The following RBFOX1 variants were observed in gnomAD, a reference collection of about 807,000 sequenced individuals.
The protein encoded by RBFOX1 is RNA binding protein fox-1 homolog 1.
In RBFOX1, 8 loss-of-function variants were observed where a neutral mutation model predicts 57.7. That is an observed-to-expected ratio of 0.14 (90% CI 0.08 to 0.25). RBFOX1 has a LOEUF of 0.25. Ranked by LOEUF, RBFOX1 falls within the 10% of genes least tolerant of loss-of-function variation. RBFOX1 has a pLI of 1.00. For synonymous variants in RBFOX1, 326 were observed against 222.4 expected (o/e 1.47, Z -4.15); for missense variants, 611 against 548.5 (o/e 1.11, Z -1.14).
intron 3 of RBFOX1, among the ~76,000 whole-genome samples, chr16:6,966,456 C>G (rs1244928990): frequency 6.6e-6 from 1 of 152,112 alleles, no homozygotes; most frequent in Non-Finnish European, 1.5e-5. Context: ...GAGGGGTGAG[C>G]TCATTCTGCC....
At chr16:5,443,005 G>A (rs2068130616) in intron 1 of RBFOX1, among the ~76,000 whole-genome samples, 1 of 152,192 alleles carries the variant, frequency 6.6e-6, no homozygotes, top group Admixed American at 6.5e-5. Flanking sequence ...GAATGATGCT[G>A]CCTCAAGCCA....
chr16:5,920,696 C>T (rs886259532), intron 4 of RBFOX1, among the ~76,000 whole-genome samples: 3 of 152,102 alleles, frequency 2.0e-5, no homozygotes, highest in African/African-American at 7.2e-5. Flanking sequence ...GTAGGATCCT[C>T]GTCCTTGAGA....
intron 1 of RBFOX1, among the ~76,000 whole-genome samples, chr16:6,212,050 G>A (rs935889982): frequency 6.6e-6 from 1 of 151,952 alleles, no homozygotes; most frequent in Non-Finnish European, 1.5e-5. Context: ...TAGAGATGGA[G>A]TTTTGCCATG....
intron 5 of RBFOX1, among the ~76,000 whole-genome samples, chr16:7,573,903 C>G (rs2093048851): frequency 6.6e-6 from 1 of 151,978 alleles, no homozygotes; most frequent in African/African-American, 2.4e-5. Context: ...CTTTGATGTG[C>G]TACAGCTTTA....
intron 3 of RBFOX1, among the ~76,000 whole-genome samples, chr16:6,746,798 C>G (rs1439016298): frequency 6.6e-6 from 1 of 151,906 alleles, no homozygotes; most frequent in Admixed American, 6.6e-5. Flanking sequence ...ATTTATAAGC[C>G]AAAGTTTGCT....
At chr16:6,595,227 C>G (rs758844336) in intron 2 of RBFOX1, among the ~76,000 whole-genome samples, 4 of 152,132 alleles carry the variant, frequency 2.6e-5, no homozygotes, top group Non-Finnish European at 5.9e-5. Flanking sequence ...CTTACCCCAC[C>G]CTGTAGCCCT....
chr16:7,573,900 G>A (rs1198395621), intron 5 of RBFOX1, among the ~76,000 whole-genome samples: 2 of 151,914 alleles, frequency 1.3e-5, no homozygotes, highest in African/African-American at 4.8e-5. Flanking sequence ...AAGCTTTGAT[G>A]TGCTACAGCT....
chr16:7,144,176 T>C (rs1377450936), intron 4 of RBFOX1, among the ~76,000 whole-genome samples: 1 of 152,182 alleles, frequency 6.6e-6, no homozygotes, highest in East Asian at 1.9e-4. Flanking sequence ...AGAAAGGACA[T>C]GGATAGACGG....
intron 3 of RBFOX1, among the ~76,000 whole-genome samples, chr16:5,616,760 C>T (rs1364822467): frequency 6.9e-6 from 1 of 145,282 alleles, no homozygotes; most frequent in Admixed American, 6.9e-5. Flanking sequence ...CCTCTCCTGT[C>T]CCCCCTTCTC....
At chr16:5,516,026 T>A (rs1292818466) in intron 2 of RBFOX1, among the ~76,000 whole-genome samples, 1 of 152,176 alleles carries the variant, frequency 6.6e-6, no homozygotes, top group African/African-American at 2.4e-5. Flanking sequence ...ATTGCCTCCC[T>A]CTCAACTGTT....
At chr16:6,512,615 T>A (rs1008411593) in intron 2 of RBFOX1, among the ~76,000 whole-genome samples, 7 of 152,208 alleles carry the variant, frequency 4.6e-5, no homozygotes, top group African/African-American at 1.4e-4. Context: ...CTAGGAAATG[T>A]TACACATTTC....
intron 3 of RBFOX1, among the ~76,000 whole-genome samples, chr16:7,048,378 G>C (rs1230133215): frequency 6.6e-6 from 1 of 151,964 alleles, no homozygotes; most frequent in Non-Finnish European, 1.5e-5. Context: ...TCCTGCCTCA[G>C]CCTCCCTAGT....
chr16:7,655,148 AAC>A (rs1365326845), intron 12 of RBFOX1, among the ~76,000 whole-genome samples: 1 of 152,236 alleles, frequency 6.6e-6, no homozygotes, highest in Non-Finnish European at 1.5e-5. Flanking sequence ...GACAAAAAGA[AAC>A]ACTTTTTTTC....
intron 2 of RBFOX1, among the ~76,000 whole-genome samples, chr16:6,555,512 A>AC (rs1305986293): frequency 6.6e-6 from 1 of 152,114 alleles, no homozygotes; most frequent in Non-Finnish European, 1.5e-5. Context: ...ATCCTGGCTA[A>AC]CACAGTGAAA....
chr16:5,806,664 T>G (rs895770120), intron 3 of RBFOX1, among the ~76,000 whole-genome samples: 3 of 152,312 alleles, frequency 2.0e-5, no homozygotes, highest in Admixed American at 1.3e-4. Flanking sequence ...CTATTGGAAG[T>G]TCATTAAGGA....
chr16:7,705,973 G>T (rs1305877257), intron 14 of RBFOX1, among the ~76,000 whole-genome samples: 1 of 152,170 alleles, frequency 6.6e-6, no homozygotes, highest in South Asian at 2.1e-4. Flanking sequence ...CATATAGCTG[G>T]TCGTGTCCTA....
chr16:5,902,916 A>G (rs1446662540), intron 4 of RBFOX1, among the ~76,000 whole-genome samples: 15 of 152,138 alleles, frequency 9.9e-5, no homozygotes, highest in Admixed American at 9.8e-4. Context: ...ACGCGTATCG[A>G]AGTGACCATG....
intron 4 of RBFOX1, among the ~76,000 whole-genome samples, chr16:7,181,220 A>G (rs1346839009): frequency 6.6e-6 from 1 of 151,920 alleles, no homozygotes. Context: ...TAGATGTTAA[A>G]TAGGGAAACT....
chr16:7,700,715 A>T (rs929268101), intron 14 of RBFOX1, among the ~76,000 whole-genome samples: 2 of 152,204 alleles, frequency 1.3e-5, no homozygotes, highest in African/African-American at 4.8e-5. Context: ...CTAGGGCAGG[A>T]GAATTTCATC....
Sources: gnomAD v4.1 joint callset for allele counts (sites outside exome capture counted in the v4.1 genomes callset) on GRCh38, gnomAD v4.1.1 for gene constraint, MANE v1.5 for transcripts, NCBI Gene and HGNC (gene_info 2026-07-23, HGNC 2026-07-21) for gene names.